Variants in HPCAL1 observed in about 807,000 individuals in gnomAD.
The protein encoded by HPCAL1 is hippocalcin like 1.
In HPCAL1, 8 loss-of-function variants were observed where a neutral mutation model predicts 17.1. The ratio of observed to expected loss-of-function variants is 0.47; its 90% CI spans 0.27 to 0.84. The LOEUF (loss-of-function observed/expected upper bound fraction) is 0.84. Ranked by LOEUF, HPCAL1 falls within the 40% of genes least tolerant of loss-of-function variation. The pLI, the probability that HPCAL1 is intolerant of heterozygous loss-of-function variation, is 0.13. For missense variants in HPCAL1, 165 were observed against 271.1 expected (o/e 0.61, Z 2.75); for synonymous variants, 112 against 111.4 (o/e 1.01, Z -0.03).
intron 1 of HPCAL1, among the ~76,000 whole-genome samples, chr2:10,309,661 G>T (rs1372077555): frequency 6.6e-6 from 1 of 152,176 alleles, no homozygotes; most frequent in African/African-American, 2.4e-5. Flanking sequence ...TGTGTGTGTA[G>T]AGAGGTCTCC....
At chr2:10,370,692 C>G (rs1287284794) in intron 1 of HPCAL1, among the ~76,000 whole-genome samples, 2 of 152,184 alleles carry the variant, frequency 1.3e-5, no homozygotes, top group Non-Finnish European at 2.9e-5. Context: ...CAGGAGTCTG[C>G]CAGGGGTGTG....
At chr2:10,381,311 C>T (rs10187952) in intron 1 of HPCAL1, among the ~76,000 whole-genome samples, 18,962 of 152,270 alleles carry the variant, frequency 0.12, 2,553 homozygotes, top group African/African-American at 0.33. Context: ...TGCTGAGCCC[C>T]AGCCAAAGCT....
chr2:10,318,932 C>T (rs1385849357), intron 1 of HPCAL1, among the ~76,000 whole-genome samples: 1 of 152,224 alleles, frequency 6.6e-6, no homozygotes, highest in Non-Finnish European at 1.5e-5. Context: ...GGGACCACTG[C>T]CATGCTTTTG....
At chr2:10,329,453 CACTGCTGGCTCTGCTG>C (rs1664217765) in intron 1 of HPCAL1, among the ~76,000 whole-genome samples, 2 of 152,176 alleles carry the variant, frequency 1.3e-5, no homozygotes, top group East Asian at 3.8e-4. Flanking sequence ...AGAGATGAAA[CACTGCTGGCTCTGCTG>C]ACAGGAATGG....
intron 1 of HPCAL1, among the ~76,000 whole-genome samples, chr2:10,387,657 C>T (rs918973433): frequency 2.0e-5 from 3 of 152,230 alleles, no homozygotes; most frequent in Non-Finnish European, 4.4e-5. Flanking sequence ...CTTGTGGCCC[C>T]AACTCATGTG....
chr2:10,338,147 A>G (rs1219073062), intron 1 of HPCAL1, among the ~76,000 whole-genome samples: 3 of 152,138 alleles, frequency 2.0e-5, no homozygotes, highest in African/African-American at 7.2e-5. Flanking sequence ...CTAAAGAGAC[A>G]GAAAATAGAT....
At chr2:10,402,120 G>A (rs1669653635) in intron 2 of HPCAL1, among the ~76,000 whole-genome samples, 1 of 152,134 alleles carries the variant, frequency 6.6e-6, no homozygotes, top group Admixed American at 6.5e-5. Flanking sequence ...GGCTGGTCTT[G>A]AACTCCTGAC....
Position 10,419,610 on chromosome 2 carries a change from G to A in HPCAL1, c.-24-124G>A. Reference sequence around the variant, plus strand: ...AGATAGCGGCATGCCTTCCGATGGGGGACCCGGGAGTTGCTGAGTCGCAGC... The same window carrying A: ...AGATAGCGGCATGCCTTCCGATGGGAGACCCGGGAGTTGCTGAGTCGCAGC... On this transcript the variant is annotated intron_variant, in intron 2 of 4. Transcript: ENST00000307845. The surrounding 1 kb of genome is among the most constrained non-coding windows in gnomAD (Gnocchi z 5.0). 1 of 861,658 alleles carries A rather than the reference G, an allele frequency of 1.2e-6. No homozygotes were observed. The highest frequency in any genetic ancestry group is 1.8e-5 in the South Asian group (1 of 54,552). The allele number at this position is 861,658 out of a possible 1,614,324, so 53.4% of individuals were successfully genotyped here.
chr2:10,419,623 G>C lies in HPCAL1; in HGVS notation c.-24-111G>C. 1 of 1,037,424 alleles carries C rather than the reference G, an allele frequency of 9.6e-7. No homozygotes were observed. The highest frequency in any genetic ancestry group is 1.4e-6 in the Non-Finnish European group (1 of 735,150). The allele number at this position is 1,037,424 out of a possible 1,614,324, so 64.3% of individuals were successfully genotyped here. Reference sequence around the variant, plus strand: ...CCTTCCGATGGGGGACCCGGGAGTTGCTGAGTCGCAGCGCTTGCACAGCGA... The same window carrying C: ...CCTTCCGATGGGGGACCCGGGAGTTCCTGAGTCGCAGCGCTTGCACAGCGA... On this transcript the variant is annotated intron_variant, in intron 2 of 4. Transcript: ENST00000307845. This position sits in a 1 kb window ranked among gnomAD's most constrained non-coding sequence, Gnocchi z 5.0.
At chr2:10,408,466 C>G (rs1410355056) in intron 2 of HPCAL1, 2 of 152,274 alleles carry the variant, frequency 1.3e-5, no homozygotes, top group East Asian at 1.9e-4. Flanking sequence ...GAAATGAGCT[C>G]TAGGTCAGTG....
rs183028607 is a variant in HPCAL1, at chr2:10,331,886, C to T, written c.-111+28709C>T. On this transcript the variant is annotated intron_variant, in intron 1 of 4. Transcript: ENST00000307845. This position sits in a 1 kb window ranked among gnomAD's most constrained non-coding sequence, Gnocchi z 5.0. ...TCATTTACGAGACAGCCCTGTGTCA[C>T]CTGTTGATTCAGAGGGAGCTCTCCT... 3.4e-4 allele frequency among the ~76,000 whole-genome samples: 52 copies of T among 152,236 alleles called. No individual in the cohort carries two copies. Among genetic ancestry groups the T allele is most frequent in the African/African-American group, 1.2e-3 (51 of 41,530 alleles).
intron 1 of HPCAL1, among the ~76,000 whole-genome samples, chr2:10,387,771 C>T (rs933502233): frequency 6.6e-6 from 1 of 152,172 alleles, no homozygotes; most frequent in Non-Finnish European, 1.5e-5. Flanking sequence ...ATGACAGCAC[C>T]TGGAGTGTTA....
At chr2:10,416,133 T>A (rs1279343630) in intron 2 of HPCAL1, among the ~76,000 whole-genome samples, 2 of 152,236 alleles carry the variant, frequency 1.3e-5, no homozygotes, top group Non-Finnish European at 2.9e-5. Flanking sequence ...ACCTCAGGGC[T>A]TAGCGGCAGT....
At chr2:10,397,622 G>GT (rs904652085) in intron 2 of HPCAL1, among the ~76,000 whole-genome samples, 1 of 152,204 alleles carries the variant, frequency 6.6e-6, no homozygotes, top group Non-Finnish European at 1.5e-5. Flanking sequence ...CTCCCCCAGT[G>GT]TTAGCCTGGC....
chr2:10,426,769 C>T lies in HPCAL1; in HGVS notation c.530C>T (p.Pro177Leu). 6.2e-7 allele frequency: 1 copy of T among 1,613,432 alleles called. No homozygotes were observed. Among genetic ancestry groups the T allele is most frequent in the East Asian group, 2.2e-5 (1 of 44,882 alleles). Residue 177 changes from proline (P) to leucine (L), a missense_variant, in exon 5 of 5, where the codon CCC (proline) becomes CTC (leucine). Pro to Leu is a moderately conservative substitution (Grantham distance 98). Coordinates refer to ENST00000307845, the MANE Select transcript of HPCAL1 (RefSeq NM_002149.4). ...TTCATCAGAGGTGCCAAGAGCGACCCCTCCATCGTCCGCCTGCTGCAGTGC... is the reference window on the plus strand; with the variant it reads ...TTCATCAGAGGTGCCAAGAGCGACCTCTCCATCGTCCGCCTGCTGCAGTGC... ...EEFIRGAKSD[P>L]SIVRLLQCDP...
rs1410496951 is a variant in HPCAL1 at position 10,323,917 on chromosome 2, A to G, written c.-111+20740A>G. Among the ~76,000 whole-genome samples the G allele has an allele frequency of 6.6e-6, 1 of 152,244 alleles. No homozygotes were observed. Among genetic ancestry groups the G allele is most frequent in the Non-Finnish European group, 1.5e-5 (1 of 68,048 alleles). ...GATTTTTCTAGTCTTCCCATTACTAAATGTGGCACAAGAACGTAGTCTAAA... is the reference window on the plus strand; with the variant it reads ...GATTTTTCTAGTCTTCCCATTACTAGATGTGGCACAAGAACGTAGTCTAAA... On this transcript the variant is annotated intron_variant, in intron 1 of 4. Coordinates refer to ENST00000307845, the MANE Select transcript of HPCAL1 (RefSeq NM_002149.4). The surrounding 1 kb of genome is among the most constrained non-coding windows in gnomAD (Gnocchi z 4.6).
rs1572755578 is a variant in HPCAL1 at position 10,377,445 on chromosome 2, C to T, written c.-110-19390C>T. Among the ~76,000 whole-genome samples the T allele has an allele frequency of 5.9e-5, 9 of 152,322 alleles. No homozygotes were observed. The highest frequency in any genetic ancestry group is 2.6e-4 in the Admixed American group (4 of 15,308). On this transcript the variant is annotated intron_variant, in intron 1 of 4. Coordinates refer to ENST00000307845, the MANE Select transcript of HPCAL1 (RefSeq NM_002149.4). The surrounding 1 kb of genome is among the most constrained non-coding windows in gnomAD (Gnocchi z 5.9). ...ACCAGTACAGTCAACAACTCTCACTCGCCGCGGGCACCTGCTGTGCCCACC... is the reference window on the plus strand; with the variant it reads ...ACCAGTACAGTCAACAACTCTCACTTGCCGCGGGCACCTGCTGTGCCCACC...
At chr2:10,410,854 A>G (rs945818972) in intron 2 of HPCAL1, among the ~76,000 whole-genome samples, 21 of 152,152 alleles carry the variant, frequency 1.4e-4, no homozygotes, top group African/African-American at 5.1e-4. Flanking sequence ...TCGTCTTACT[A>G]GACAGCCAAG....
Position 10,331,938 on chromosome 2 carries a change from C to T in HPCAL1, c.-111+28761C>T, listed in dbSNP as rs1324569947. On this transcript the variant is annotated intron_variant, in intron 1 of 4. Transcript: ENST00000307845. This position sits in a 1 kb window ranked among gnomAD's most constrained non-coding sequence, Gnocchi z 5.0. ...ATCACCTGTTGTCATTTATGAGCCCCGTGTCACCTGTTGTTGCTTCACAGG... is the reference window on the plus strand; with the variant it reads ...ATCACCTGTTGTCATTTATGAGCCCTGTGTCACCTGTTGTTGCTTCACAGG... 6.6e-6 allele frequency among the ~76,000 whole-genome samples: 1 copy of T among 151,598 alleles called. No individual in the cohort carries two copies. The highest frequency in any genetic ancestry group is 1.5e-5 in the Non-Finnish European group (1 of 67,900).
Sources: allele counts gnomAD v4.1 joint callset (sites outside exome capture counted in the v4.1 genomes callset), GRCh38; gene constraint gnomAD v4.1.1; non-coding constraint Gnocchi (gnomAD v3.1); transcripts MANE v1.5; gene names NCBI Gene and HGNC (gene_info 2026-07-23, HGNC 2026-07-21).